Variants in LHFPL6 observed in about 807,000 individuals in gnomAD.
LHFPL6 encodes the protein LHFPL tetraspan subfamily member 6 protein.
Under a neutral mutation model 20.6 loss-of-function variants are expected in LHFPL6, and 9 were observed. That is an observed-to-expected ratio of 0.44 (90% CI 0.26 to 0.76). The LOEUF is 0.76. LHFPL6 is among the 30% of genes least tolerant of loss of function. The probability of loss-of-function intolerance (pLI) is 0.20; values close to 1 mark genes in which losing one functional copy is unlikely to be tolerated. For missense variants in LHFPL6, 218 were observed against 253.5 expected (o/e 0.86, Z 0.95); for synonymous variants, 105 against 98.7 (o/e 1.06, Z -0.38).
At chr13:39,538,960 A>G (rs531867302) in intron 2 of LHFPL6, among the ~76,000 whole-genome samples, 4 of 152,288 alleles carry the variant, frequency 2.6e-5, no homozygotes, top group Non-Finnish European at 4.4e-5. Flanking sequence ...TTCGCGGGCC[A>G]TATGGATTCC....
intron 2 of LHFPL6, among the ~76,000 whole-genome samples, chr13:39,454,785 T>A (rs1872530999): frequency 6.6e-6 from 1 of 152,222 alleles, no homozygotes; most frequent in South Asian, 2.1e-4. Context: ...GTGGATAGAA[T>A]GAATTATTAT....
At chr13:39,515,412 C>T (rs529456316) in intron 2 of LHFPL6, among the ~76,000 whole-genome samples, 13 of 152,196 alleles carry the variant, frequency 8.5e-5, no homozygotes, top group Non-Finnish European at 1.6e-4. Context: ...GATCCAAACA[C>T]GCTGCACCAA....
chr13:39,561,730 T>C (rs747023926), intron 2 of LHFPL6, among the ~76,000 whole-genome samples: 2 of 152,200 alleles, frequency 1.3e-5, no homozygotes, highest in Non-Finnish European at 2.9e-5. Flanking sequence ...GTGCTGGGGA[T>C]TACAGGTGTG....
At chr13:39,475,044 G>A (rs912938525) in intron 2 of LHFPL6, among the ~76,000 whole-genome samples, 8 of 152,174 alleles carry the variant, frequency 5.3e-5, no homozygotes, top group African/African-American at 1.9e-4. Flanking sequence ...GTGACCCAGA[G>A]CCTGTGTTTT....
intron 2 of LHFPL6, among the ~76,000 whole-genome samples, chr13:39,399,565 C>T (rs576590451): frequency 1.3e-5 from 2 of 152,212 alleles, no homozygotes; most frequent in South Asian, 4.1e-4. Flanking sequence ...CAAATCAGGA[C>T]AAGAATTATG....
chr13:39,352,893 GTGTATATATATATAAA>G (rs1339488902), intron 3 of LHFPL6, among the ~76,000 whole-genome samples: 3,576 of 32,854 alleles, frequency 0.11, 767 homozygotes, highest in African/African-American at 0.22. Flanking sequence ...GTATATATAT[GTGTATATATATATAAA>G]TGTATATATA....
In LHFPL6 at chr13:39,555,141, C is replaced by T. The variant is rs567443445; in HGVS notation, c.385+45691G>A. On this transcript the variant is annotated intron_variant, in intron 2 of 3. Transcript: ENST00000379589. ...CAATATTACAATACAGCATCAGCTA[C>T]TTCACTCCTACTCGGAAACTGACAA... is the stretch of plus-strand genomic sequence containing the variant. Among the ~76,000 whole-genome samples the T allele has an allele frequency of 3.3e-5, 5 of 152,308 alleles. No homozygotes were observed. In the South Asian group the frequency reaches 1.0e-3, roughly 32 times the overall value.
chr13:39,525,484 A>G (rs1870258123), intron 2 of LHFPL6, among the ~76,000 whole-genome samples: 1 of 152,228 alleles, frequency 6.6e-6, no homozygotes, highest in Non-Finnish European at 1.5e-5. Context: ...TATTATTTTA[A>G]GACTTCATGT....
intron 2 of LHFPL6, among the ~76,000 whole-genome samples, chr13:39,395,303 G>T (rs956700725): frequency 6.6e-6 from 1 of 152,100 alleles, no homozygotes. Context: ...GCTGTTTCTG[G>T]CAATAGTATT....
chr13:39,472,143 C>T (rs1202675819), intron 2 of LHFPL6, among the ~76,000 whole-genome samples: 6 of 152,170 alleles, frequency 3.9e-5, no homozygotes, highest in South Asian at 2.1e-4. Context: ...TGGTCCTAGA[C>T]GTAGTAGTTT....
intron 2 of LHFPL6, among the ~76,000 whole-genome samples, chr13:39,410,159 A>G (rs1871213867): frequency 6.6e-6 from 1 of 152,260 alleles, no homozygotes; most frequent in Non-Finnish European, 1.5e-5. Flanking sequence ...CATCTGAAGA[A>G]AAAATTTGCT....
At chr13:39,590,046 T>C (rs1242006323) in intron 2 of LHFPL6, among the ~76,000 whole-genome samples, 2 of 152,182 alleles carry the variant, frequency 1.3e-5, no homozygotes, top group African/African-American at 2.4e-5. Context: ...CTAAATATAA[T>C]ATAAAGTAGA....
intron 2 of LHFPL6, among the ~76,000 whole-genome samples, chr13:39,383,454 C>T (rs1371341175): frequency 6.6e-6 from 1 of 152,242 alleles, no homozygotes; most frequent in Admixed American, 6.5e-5. Context: ...TTCAATCCCT[C>T]AGTTGCACTA....
intron 2 of LHFPL6, among the ~76,000 whole-genome samples, chr13:39,417,975 T>C (rs910528338): frequency 1.1e-4 from 16 of 152,174 alleles, no homozygotes; most frequent in African/African-American, 3.9e-4. Flanking sequence ...AGTGTTAGTC[T>C]TGTGTCCTAG....
At chr13:39,487,645 T>A (rs1868770490) in intron 2 of LHFPL6, among the ~76,000 whole-genome samples, 1 of 152,244 alleles carries the variant, frequency 6.6e-6, no homozygotes, top group Non-Finnish European at 1.5e-5. Context: ...TAGGATTATG[T>A]CAGAGACTTT....
chr13:39,423,235 G>C (rs1871544148), intron 2 of LHFPL6, among the ~76,000 whole-genome samples: 1 of 152,104 alleles, frequency 6.6e-6, no homozygotes, highest in Non-Finnish European at 1.5e-5. Context: ...GATTTACTTG[G>C]TTAGAATATC....
chr13:39,437,704 C>T (rs1872000582), intron 2 of LHFPL6, among the ~76,000 whole-genome samples: 1 of 152,054 alleles, frequency 6.6e-6, no homozygotes, highest in South Asian at 2.1e-4. Context: ...GAGATCAAAC[C>T]ATCCTGGCTA....
intron 3 of LHFPL6, among the ~76,000 whole-genome samples, chr13:39,353,855 G>A (rs1010703498): frequency 2.0e-5 from 3 of 152,168 alleles, no homozygotes; most frequent in African/African-American, 7.2e-5. Flanking sequence ...CTTCCTAATG[G>A]ATGTGCCCTG....
intron 2 of LHFPL6, among the ~76,000 whole-genome samples, chr13:39,424,008 G>A (rs1448027630): frequency 6.6e-6 from 1 of 152,146 alleles, no homozygotes; most frequent in Admixed American, 6.6e-5. Flanking sequence ...TAAAGGCAAG[G>A]GGAAGGAAGA....
Sources: gnomAD v4.1 joint callset for allele counts (sites outside exome capture counted in the v4.1 genomes callset) on GRCh38, gnomAD v4.1.1 for gene constraint, MANE v1.5 for transcripts, NCBI Gene and HGNC (gene_info 2026-07-23, HGNC 2026-07-21) for gene names.